CHD9: variants seen among roughly 807,000 people sequenced by gnomAD.
CHD9 encodes the protein chromodomain helicase DNA binding protein 9.
In CHD9, 77 loss-of-function variants were observed where a neutral mutation model predicts 316.1. The ratio of observed to expected loss-of-function variants is 0.24; its 90% CI spans 0.20 to 0.29. The LOEUF is 0.29. CHD9 is among the 10% of genes least tolerant of loss of function. CHD9 has a pLI of 1.00. For missense variants in CHD9, 2,763 were observed against 3,438.1 expected, an observed-to-expected ratio of 0.80 and a Z score of 4.91; for synonymous variants, 1,129 against 1,158.3, an observed-to-expected ratio of 0.97 and a Z score of 0.51.
In CHD9 at chr16:53,125,218, A is replaced by ATTTTTTTT. The variant is rs34096444; in HGVS notation, c.-164-30692_-164-30685dup. ...TTACCTTATCATGGTTCAAGTTAGG[A>ATTTTTTTT]TTTTTTTTTTTTTTTTTTTTTTTGA... On this transcript the variant is annotated intron_variant, in intron 1 of 38. Coordinates refer to ENST00000447540, the MANE Select transcript of CHD9 (RefSeq NM_001308319.2). Among the ~76,000 whole-genome samples the ATTTTTTTT allele has an allele frequency of 1.4e-4, 13 of 95,782 alleles. 1 individual carries two copies. The highest frequency in any genetic ancestry group is 2.6e-4 in the Admixed American group (2 of 7,728). The allele number at this position is 95,782 out of a possible 152,430, so 62.8% of individuals were successfully genotyped here. A position where few individuals can be genotyped will look rare whatever the true frequency, so the allele number is the denominator to read the frequency against.
intron 3 of CHD9, among the ~76,000 whole-genome samples, chr16:53,219,140 C>T (rs555252684): frequency 6.6e-6 from 1 of 152,218 alleles, no homozygotes; most frequent in East Asian, 1.9e-4. Context: ...AGTACTCTTA[C>T]GTTTGCACTT....
At chr16:53,295,231 A>G (rs1007064570) in intron 29 of CHD9, among the ~76,000 whole-genome samples, 10 of 152,114 alleles carry the variant, frequency 6.6e-5, no homozygotes, top group African/African-American at 2.2e-4. Flanking sequence ...GGTTCAAGCA[A>G]TTCTCCTGCC....
At chr16:53,114,855 G>A (rs1377123165) in intron 1 of CHD9, among the ~76,000 whole-genome samples, 22 of 152,178 alleles carry the variant, frequency 1.4e-4, no homozygotes, top group Non-Finnish European at 8.8e-5. Flanking sequence ...CCAAAGTGCT[G>A]GGATTACAGG....
At chr16:53,322,976 A>G (rs1425757414) in intron 38 of CHD9, among the ~76,000 whole-genome samples, 1 of 152,174 alleles carries the variant, frequency 6.6e-6, no homozygotes, top group Non-Finnish European at 1.5e-5. Context: ...AAGAGAAAAA[A>G]TAAGTTGATT....
chr16:53,215,617 G>A (rs1408096360), intron 3 of CHD9, among the ~76,000 whole-genome samples: 1 of 152,088 alleles, frequency 6.6e-6, no homozygotes, highest in African/African-American at 2.4e-5. Flanking sequence ...AAAAAATAAT[G>A]TGACATTATA....
intron 1 of CHD9, among the ~76,000 whole-genome samples, chr16:53,101,175 T>C (rs2036843447): frequency 6.6e-6 from 1 of 152,168 alleles, no homozygotes; most frequent in South Asian, 2.1e-4. Context: ...CATCATCTTA[T>C]TCCTTTATAT....
rs147948215 is a variant in CHD9 at position 53,314,263 on chromosome 16, A to G, written c.7223-114A>G. The G allele has an allele frequency of 5.4e-5, 37 of 685,926 alleles. No individual in the cohort carries two copies. In the African/African-American group the frequency reaches 6.1e-4, roughly 11 times the overall value. The allele number at this position is 685,926 out of a possible 1,614,324, so 42.5% of individuals were successfully genotyped here. ...ATATTTTTAGTCCAAAAGTTTCTACATTAAAGATGTATAAAATAAGAACTA... is the reference window on the plus strand; with the variant it reads ...ATATTTTTAGTCCAAAAGTTTCTACGTTAAAGATGTATAAAATAAGAACTA... On this transcript the variant is annotated intron_variant, in intron 34 of 38. Coordinates refer to ENST00000447540, the MANE Select transcript of CHD9 (RefSeq NM_001308319.2).
At chr16:53,155,293 G>A (rs1281597688) in intron 1 of CHD9, among the ~76,000 whole-genome samples, 3 of 151,546 alleles carry the variant, frequency 2.0e-5, no homozygotes, top group African/African-American at 7.3e-5. Context: ...CACAATTATG[G>A]CTCACTGCAG....
Position 53,209,591 on chromosome 16 carries a change from G to A in CHD9, c.1562G>A (p.Ser521Asn), listed in dbSNP as rs1597442147. Residue 521 changes from serine to asparagine, a missense_variant, in exon 3 of 39, where the codon AGC becomes AAC. By Grantham distance (46) the Ser-to-Asn change is conservative. Transcript: ENST00000447540. ...KKQRKKVESE[S>N]KQEKANRIIS... ...CAGAGAAAAAAGGTGGAATCAGAAA[G>A]CAAGCAAGAAAAGGCTAATCGTATA... 2 of 1,613,876 alleles carry A rather than the reference G, an allele frequency of 1.2e-6. No individual in the cohort carries two copies. The highest frequency in any genetic ancestry group is 1.7e-6 in the Non-Finnish European group (2 of 1,179,818).
chr16:53,201,854 TTTGTTG>T (rs1555507393), intron 2 of CHD9, among the ~76,000 whole-genome samples: 2 of 151,664 alleles, frequency 1.3e-5, no homozygotes, highest in African/African-American at 2.4e-5. Context: ...GGTTTTTTTT[TTTGTTG>T]TTGTTGTTGT....
At position 53,306,220 on chromosome 16, in the gene CHD9, A is replaced by C; in HGVS notation, c.6620-17A>C. Reference sequence around the variant, plus strand: ...TATGTAGTCTTTTTAAAAAATGATTATAATTGTTTTTAGCAGAAAGTACTA... The same window carrying C: ...TATGTAGTCTTTTTAAAAAATGATTCTAATTGTTTTTAGCAGAAAGTACTA... On this transcript the variant is annotated splice_polypyrimidine_tract_variant and intron_variant, in intron 31 of 38. Coordinates refer to ENST00000447540, the MANE Select transcript of CHD9 (RefSeq NM_001308319.2). 1 of 1,433,162 alleles carries C rather than the reference A, an allele frequency of 7.0e-7. No individual in the cohort carries two copies. The highest frequency in any genetic ancestry group is 9.2e-7 in the Non-Finnish European group (1 of 1,085,472). The allele number at this position is 1,433,162 out of a possible 1,614,324, so 88.8% of individuals were successfully genotyped here.
At chr16:53,227,237 AT>A (rs1056008061) in intron 5 of CHD9, 158 bp from the exon 6 acceptor site, 15 of 531,162 alleles carry the variant, frequency 2.8e-5, no homozygotes, top group African/African-American at 1.4e-4. Flanking sequence ...ACAATGATAT[AT>A]TTTTTTCATT....
At chr16:53,316,833 G>A (rs754849502) in intron 36 of CHD9, among the ~76,000 whole-genome samples, 33 of 152,050 alleles carry the variant, frequency 2.2e-4, no homozygotes, top group Non-Finnish European at 3.4e-4. Context: ...CATTTGTCTC[G>A]TGGATGAAAA....
At chr16:53,291,897 C>A (rs1431003872) in intron 28 of CHD9, 130 bp downstream of exon 28, 2 of 511,194 alleles carry the variant, frequency 3.9e-6, no homozygotes, top group South Asian at 8.7e-5. Flanking sequence ...CCATTGTAAT[C>A]GTTATAGGAC....
At chr16:53,180,865 C>T (rs950831127) in intron 2 of CHD9, among the ~76,000 whole-genome samples, 7 of 150,312 alleles carry the variant, frequency 4.7e-5, no homozygotes, top group Non-Finnish European at 8.9e-5. Flanking sequence ...TTAATGGAGA[C>T]GGGGTTTCAC....
At chr16:53,127,621 G>C (rs1486174063) in intron 1 of CHD9, among the ~76,000 whole-genome samples, 2 of 151,874 alleles carry the variant, frequency 1.3e-5, no homozygotes, top group African/African-American at 4.8e-5. Context: ...AAATGGGGGC[G>C]GGGGGGAATC....
intron 37 of CHD9, among the ~76,000 whole-genome samples, chr16:53,320,347 C>T (rs893042183): frequency 6.6e-6 from 1 of 152,006 alleles, no homozygotes; most frequent in Non-Finnish European, 1.5e-5. Context: ...CATGGTGAAA[C>T]CCTGTCTCTT....
rs139077113 is a variant in CHD9, at chr16:53,119,693, G to A, written c.-164-36233G>A. ...ACTAAATATAAAAAATTAGCCAGGCGTGTTGGCGCATGCCTGTAATCCCAG... is the reference window on the plus strand; with the variant it reads ...ACTAAATATAAAAAATTAGCCAGGCATGTTGGCGCATGCCTGTAATCCCAG... On this transcript the variant is annotated intron_variant, in intron 1 of 38. Coordinates refer to ENST00000447540, the MANE Select transcript of CHD9 (RefSeq NM_001308319.2). 1.0e-3 allele frequency among the ~76,000 whole-genome samples: 155 copies of A among 152,210 alleles called. No homozygotes were observed. In the East Asian group the frequency reaches 0.014, roughly 13 times the overall value.
intron 2 of CHD9, among the ~76,000 whole-genome samples, chr16:53,158,970 A>G (rs1436016371): frequency 6.6e-6 from 1 of 151,918 alleles, no homozygotes; most frequent in Non-Finnish European, 1.5e-5. Context: ...TTTTTTTCAT[A>G]GTAGTATGAA....
Sources: allele counts gnomAD v4.1 joint callset (sites outside exome capture counted in the v4.1 genomes callset), GRCh38; gene constraint gnomAD v4.1.1; transcripts MANE v1.5; gene names NCBI Gene and HGNC (gene_info 2026-07-23, HGNC 2026-07-21).